Variants in EHF observed in about 807,000 individuals in gnomAD.
EHF encodes ESE3 transcription factor.
A neutral mutation model predicts 45.1 loss-of-function variants in EHF; 14 were observed. The ratio of observed to expected loss-of-function variants is 0.31; its 90% CI spans 0.21 to 0.49. EHF has a LOEUF of 0.49. Ranked by LOEUF, EHF falls within the 20% of genes least tolerant of loss-of-function variation. The pLI, the probability that EHF is intolerant of heterozygous loss-of-function variation, is 0.99. For missense variants in EHF, 282 were observed against 371.4 expected (o/e 0.76, Z 1.98); for synonymous variants, 136 against 131.8 (o/e 1.03, Z -0.22).
chr11:34,658,609 A>G lies in EHF; in HGVS notation c.684A>G (p.Lys228=), dbSNP rs763995950. The G allele has an allele frequency of 6.2e-7, 1 of 1,613,738 alleles. No individual in the cohort carries two copies. Among genetic ancestry groups the G allele is most frequent in the Non-Finnish European group, 8.5e-7 (1 of 1,179,742 alleles). ...LNPDKNPGLI[K]WEDRSEGVFR... ...CAGACAAGAACCCAGGATTAATAAA[A>G]TGGGAAGACCGATCTGAGGGCGTCT... is the stretch of plus-strand genomic sequence containing the variant. Residue 228 remains lysine, a synonymous_variant, in exon 8 of 9, where the codon AAA becomes AAG. Transcript: ENST00000257831.
At chr11:34,630,908 G>A (rs2134006873) in intron 1 of EHF, among the ~76,000 whole-genome samples, 1 of 152,242 alleles carries the variant, frequency 6.6e-6, no homozygotes, top group Non-Finnish European at 1.5e-5. Flanking sequence ...CAGTGGTCTG[G>A]TAGTAATGAA....
chr11:34,654,325 A>G (rs1022311414), intron 6 of EHF, among the ~76,000 whole-genome samples: 3 of 152,120 alleles, frequency 2.0e-5, no homozygotes, highest in Non-Finnish European at 2.9e-5. Flanking sequence ...GAATCACTTA[A>G]CCACATGGCT....
At chr11:34,637,334 C>T (rs145701833) in intron 1 of EHF, among the ~76,000 whole-genome samples, 43 of 152,266 alleles carry the variant, frequency 2.8e-4, no homozygotes, top group Middle Eastern at 3.4e-3. Flanking sequence ...GAGAAGCAGG[C>T]GCATGGGGCT....
At chr11:34,623,055 G>C (rs1470442016) in intron 1 of EHF, among the ~76,000 whole-genome samples, 2 of 151,954 alleles carry the variant, frequency 1.3e-5, no homozygotes, top group Non-Finnish European at 2.9e-5. Flanking sequence ...TTATTTTTTT[G>C]GTTAAAAAGC....
At chr11:34,644,485 C>T (rs112841092) in intron 2 of EHF, among the ~76,000 whole-genome samples, 6 of 152,312 alleles carry the variant, frequency 3.9e-5, no homozygotes, top group Non-Finnish European at 7.4e-5. Context: ...TTAGAGCCCA[C>T]GTTGTGGGCC....
intron 1 of EHF, chr11:34,622,085 A>T (rs971581680): frequency 1.3e-5 from 2 of 158,214 alleles, no homozygotes; most frequent in Non-Finnish European, 2.8e-5. Context: ...TGAGACAGGG[A>T]TTCTTTTGAT....
chr11:34,656,053 TACAC>T lies in EHF; in HGVS notation c.545-833_545-830del, dbSNP rs61484102. 3.7e-3 allele frequency among the ~76,000 whole-genome samples: 543 copies of T among 148,100 alleles called. 2 individuals carry two copies. Among genetic ancestry groups the T allele is most frequent in the Middle Eastern group, 6.9e-3 (2 of 290 alleles). On this transcript the variant is annotated intron_variant, in intron 6 of 8. Coordinates refer to ENST00000257831, the MANE Select transcript of EHF (RefSeq NM_012153.6). ...GTAAGATCTACTTTGGTCCTCCCAATACACACACACACACACACACACACATATA... is the reference window on the plus strand; with the variant it reads ...GTAAGATCTACTTTGGTCCTCCCAATACACACACACACACACACACATATA...
intron 1 of EHF, chr11:34,641,884 A>G (rs780989593): frequency 1.3e-5 from 2 of 152,246 alleles, no homozygotes; most frequent in Non-Finnish European, 2.9e-5. Flanking sequence ...ATGATCCCAC[A>G]GACTGAGAAA....
chr11:34,621,388 A>G (rs1383035166), intron 1 of EHF, among the ~76,000 whole-genome samples, 160 bp downstream of exon 1: 4 of 152,220 alleles, frequency 2.6e-5, no homozygotes, highest in African/African-American at 9.6e-5. Flanking sequence ...TCACTGGGTC[A>G]AATCAGAATT....
intron 1 of EHF, among the ~76,000 whole-genome samples, chr11:34,638,858 G>C (rs1402856673): frequency 6.6e-6 from 1 of 152,180 alleles, no homozygotes; most frequent in Admixed American, 6.5e-5. Flanking sequence ...TCCCAGGGTG[G>C]AGTCATTCTC....
Position 34,632,622 on chromosome 11 carries a change from G to A in EHF, c.-3-10006G>A, listed in dbSNP as rs1421231536. On this transcript the variant is annotated intron_variant, in intron 1 of 8. Coordinates refer to ENST00000257831, the MANE Select transcript of EHF (RefSeq NM_012153.6). Reference sequence around the variant, plus strand: ...TGCCGGAGAGAAGAGGATTGGTCCTGCTTTTAAGCCTAGCTGAAATTCTTT... The same window carrying A: ...TGCCGGAGAGAAGAGGATTGGTCCTACTTTTAAGCCTAGCTGAAATTCTTT... 4 of 1,535,524 alleles carry A rather than the reference G, an allele frequency of 2.6e-6. No homozygotes were observed. The South Asian group carries it at 4.8e-5, about 18-fold the overall frequency.
chr11:34,651,442 A>AC lies in EHF; in HGVS notation c.407-94dup, dbSNP rs1268208247. 102 of 928,648 alleles carry AC rather than the reference A, an allele frequency of 1.1e-4. 2 individuals are homozygous for AC. The Middle Eastern group carries it at 1.7e-3, about 15-fold the overall frequency. The allele number at this position is 928,648 out of a possible 1,614,324, so 57.5% of individuals were successfully genotyped here. A position where few individuals can be genotyped will look rare whatever the true frequency, so the allele number is the denominator to read the frequency against. ...CCCTTGTCTCTGAGGACCACTCCTC[A>AC]CCCCCCATACTTTGTTGATGAACAA... On this transcript the variant is annotated intron_variant, in intron 4 of 8. Coordinates refer to ENST00000257831, the MANE Select transcript of EHF (RefSeq NM_012153.6).
At chr11:34,634,368 A>G (rs1327399764) in intron 1 of EHF, among the ~76,000 whole-genome samples, 3 of 152,258 alleles carry the variant, frequency 2.0e-5, no homozygotes, top group Admixed American at 2.0e-4. Context: ...ATTATTTAAA[A>G]GGACTAATTG....
At chr11:34,650,556 C>G (rs1400037262) in intron 4 of EHF, among the ~76,000 whole-genome samples, 1 of 152,116 alleles carries the variant, frequency 6.6e-6, no homozygotes, top group Non-Finnish European at 1.5e-5. Context: ...TGGCTTACAC[C>G]CCGGCCCTAA....
At chr11:34,652,606 T>C (rs1056026401) in intron 6 of EHF, among the ~76,000 whole-genome samples, 1 of 152,216 alleles carries the variant, frequency 6.6e-6, no homozygotes, top group Non-Finnish European at 1.5e-5. Flanking sequence ...TCTTTGGGTC[T>C]ATGAAATGGC....
At position 34,663,213 on chromosome 11, in the gene EHF, T is replaced by C. The variant is rs1856191710; in HGVS notation, c.*4282T>C. Among the ~76,000 whole-genome samples, 1 of 152,152 alleles carries C rather than the reference T, an allele frequency of 6.6e-6. No individual in the cohort carries two copies. The highest frequency in any genetic ancestry group is 1.9e-4 in the East Asian group (1 of 5,200). On this transcript the variant is annotated 3_prime_UTR_variant, in exon 9 of 9. Coordinates refer to ENST00000257831, the MANE Select transcript of EHF (RefSeq NM_012153.6). ...CTATTCCTGTTTTGTCAAAGAATTA[T>C]ATTTTTCAAAATATGTTTATTTGTT...
intron 3 of EHF, among the ~76,000 whole-genome samples, chr11:34,647,088 C>CT (rs1270947301): frequency 1.3e-5 from 2 of 149,898 alleles, no homozygotes; most frequent in East Asian, 4.0e-4. Flanking sequence ...AACAAAACCC[C>CT]CCCCACACAC....
chr11:34,656,834 A>G lies in EHF; in HGVS notation c.545-74A>G, dbSNP rs1056215141. 4.6e-6 allele frequency: 7 copies of G among 1,531,852 alleles called. No individual in the cohort carries two copies. In the Admixed American group the frequency reaches 1.1e-4, roughly 24 times the overall value. The allele number at this position is 1,531,852 out of a possible 1,614,324, so 94.9% of individuals were successfully genotyped here. A position where few individuals can be genotyped will look rare whatever the true frequency, so the allele number is the denominator to read the frequency against. ...TAGGTGCTCAGTAAATATTGTTTAA[A>G]TGAGTGGATGCATGAATAAAAAAGA... On this transcript the variant is annotated intron_variant, in intron 6 of 8. Transcript: ENST00000257831.
intron 7 of EHF, 37 bp downstream of exon 7, chr11:34,657,007 C>A: frequency 6.2e-7 from 1 of 1,610,708 alleles, no homozygotes; most frequent in Non-Finnish European, 8.5e-7. Flanking sequence ...TTTGGTCCTT[C>A]CCATCACATC....
Sources: allele counts gnomAD v4.1 joint callset (sites outside exome capture counted in the v4.1 genomes callset), GRCh38; gene constraint gnomAD v4.1.1; transcripts MANE v1.5; gene names NCBI Gene and HGNC (gene_info 2026-07-23, HGNC 2026-07-21).